Variants in PPFIBP2 observed in about 807,000 individuals in gnomAD.
PPFIBP2 encodes the protein liprin-beta-2.
In PPFIBP2, 118 loss-of-function variants were observed where a neutral mutation model predicts 118.3. The ratio of observed to expected loss-of-function variants is 1.00; its 90% CI spans 0.86 to 1.16. PPFIBP2 has a LOEUF of 1.16. Among genes scored for constraint, PPFIBP2 ranks in the 50% most tolerant of loss-of-function variants. PPFIBP2 has a pLI of 0.00. For synonymous variants in PPFIBP2, 414 were observed against 397.4 expected (o/e 1.04, Z -0.50); for missense variants, 1,195 against 1,073.1 (o/e 1.11, Z -1.59).
chr11:7,638,987 C>T (rs552090265), intron 14 of PPFIBP2, among the ~76,000 whole-genome samples: 7 of 152,302 alleles, frequency 4.6e-5, no homozygotes, highest in South Asian at 2.1e-4. Flanking sequence ...GTCAGCTCCC[C>T]CAAGGGTGTG....
At chr11:7,636,669 C>T (rs534745690) in intron 14 of PPFIBP2, among the ~76,000 whole-genome samples, 115 of 152,182 alleles carry the variant, frequency 7.6e-4, no homozygotes, top group Non-Finnish European at 1.1e-3. Context: ...ACCCAGCTCA[C>T]AGGCTCAAGG....
rs78429065 is a variant in PPFIBP2, at chr11:7,644,545, A to G, written c.1646+2119A>G. The stretch of plus-strand genomic sequence containing the variant: ...ACTCCAGCTTTAGGAGAGGTCCCCA[A>G]TCCTACTGCTCCCCTACCCTGGGCC... On this transcript the variant is annotated intron_variant, in intron 17 of 23. Coordinates refer to ENST00000299492, the MANE Select transcript of PPFIBP2 (RefSeq NM_003621.5). 4.9e-3 allele frequency among the ~76,000 whole-genome samples: 744 copies of G among 152,168 alleles called. 6 individuals carry two copies. The highest frequency in any genetic ancestry group is 0.017 in the African/African-American group (717 of 41,524).
At chr11:7,639,973 G>A in intron 15 of PPFIBP2, 103 bp downstream of exon 15, 1 of 1,462,458 alleles carries the variant, frequency 6.8e-7, no homozygotes, top group Admixed American at 2.4e-5. Flanking sequence ...CACAATTGGA[G>A]AATGGTGGGG....
intron 2 of PPFIBP2, among the ~76,000 whole-genome samples, chr11:7,555,627 G>A (rs1319138437): frequency 6.6e-6 from 1 of 152,216 alleles, no homozygotes; most frequent in East Asian, 1.9e-4. Flanking sequence ...AGAAGAGTTG[G>A]AGTGGGGGTC....
chr11:7,631,163 T>G (rs1850710971), intron 11 of PPFIBP2, 135 bp downstream of exon 11: 1 of 678,066 alleles, frequency 1.5e-6, no homozygotes, highest in African/African-American at 1.8e-5. Flanking sequence ...ATAGTGCCCC[T>G]CAGGCTGTGA....
At chr11:7,569,277 G>C (rs942667330) in intron 3 of PPFIBP2, among the ~76,000 whole-genome samples, 2 of 152,250 alleles carry the variant, frequency 1.3e-5, no homozygotes, top group African/African-American at 4.8e-5. Context: ...GGCAGAAGTA[G>C]GAGTGCTGTT....
At chr11:7,617,565 C>T (rs768695374) in intron 6 of PPFIBP2, among the ~76,000 whole-genome samples, 93 of 152,068 alleles carry the variant, frequency 6.1e-4, no homozygotes, top group Non-Finnish European at 2.4e-4. Flanking sequence ...CCAGGTGCTC[C>T]GAGTGATGGG....
intron 1 of PPFIBP2, among the ~76,000 whole-genome samples, chr11:7,525,735 GA>G (rs1456881653): frequency 1.3e-5 from 2 of 152,188 alleles, no homozygotes; most frequent in Non-Finnish European, 2.9e-5. Flanking sequence ...CATCTATGTG[GA>G]AAAGCCCAAT....
At chr11:7,641,713 C>T (rs1408851229) in intron 16 of PPFIBP2, 93 bp downstream of exon 16, 2 of 1,242,048 alleles carry the variant, frequency 1.6e-6, no homozygotes, top group African/African-American at 1.5e-5. Flanking sequence ...CCAATAGACA[C>T]TGAAACAGCA....
intron 2 of PPFIBP2, among the ~76,000 whole-genome samples, chr11:7,559,591 G>T (rs1403421023): frequency 1.3e-5 from 2 of 152,160 alleles, no homozygotes; most frequent in Non-Finnish European, 2.9e-5. Context: ...TCACTGGGGG[G>T]TGAGGGAGGG....
intron 3 of PPFIBP2, among the ~76,000 whole-genome samples, chr11:7,588,635 G>A (rs1047290147): frequency 1.3e-5 from 2 of 152,192 alleles, no homozygotes; most frequent in Admixed American, 6.5e-5. Flanking sequence ...CAAGGCCTAG[G>A]GAAGACCTTG....
At chr11:7,629,681 A>G in intron 10 of PPFIBP2, 147 bp downstream of exon 10, 1 of 763,232 alleles carries the variant, frequency 1.3e-6, no homozygotes, top group South Asian at 1.7e-5. Flanking sequence ...ACTTTTCTGC[A>G]TGATGAGAAC....
intron 6 of PPFIBP2, among the ~76,000 whole-genome samples, chr11:7,613,997 T>C (rs148957549): frequency 1.4e-4 from 22 of 152,334 alleles, no homozygotes; most frequent in Non-Finnish European, 2.9e-4. Flanking sequence ...TCCTTGTGGT[T>C]AGGACCCTGG....
downstream of PPFIBP2, among the ~76,000 whole-genome samples, chr11:7,659,165 A>C (rs1238376516): frequency 1.3e-5 from 2 of 149,588 alleles, no homozygotes; most frequent in Non-Finnish European, 3.0e-5. Flanking sequence ...CCCATTTGTC[A>C]ATTTTGTCTT....
At chr11:7,570,387 G>C (rs1855528403) in intron 3 of PPFIBP2, among the ~76,000 whole-genome samples, 1 of 152,126 alleles carries the variant, frequency 6.6e-6, no homozygotes, top group Non-Finnish European at 1.5e-5. Flanking sequence ...TTCTCTAACA[G>C]TATGTTATGT....
chr11:7,592,948 A>G (rs1770592679), intron 3 of PPFIBP2, among the ~76,000 whole-genome samples, 184 bp from the exon 4 acceptor site: 1 of 152,318 alleles, frequency 6.6e-6, no homozygotes, highest in Admixed American at 6.5e-5. Flanking sequence ...TTTCAGTGGC[A>G]TGTGATCTGG....
rs372411046 is a variant in PPFIBP2, at chr11:7,557,718, G to A, written c.65-7835G>A. Among the ~76,000 whole-genome samples, 15 of 152,016 alleles carry A rather than the reference G, an allele frequency of 9.9e-5. No individual in the cohort carries two copies. The East Asian group carries it at 1.7e-3, about 18-fold the overall frequency. ...TATCTTTGTTTCTATCATTTTGAGC[G>A]CTCTTTTTGAATAATCCTAGCATTC... On this transcript the variant is annotated intron_variant, in intron 2 of 23. Transcript: ENST00000299492.
chr11:7,586,377 G>A (rs1419174560), intron 3 of PPFIBP2, among the ~76,000 whole-genome samples: 1 of 152,156 alleles, frequency 6.6e-6, no homozygotes, highest in Admixed American at 6.5e-5. Context: ...ATTAAACAAA[G>A]CTAAATCATT....
chr11:7,518,086 T>A (rs1175507504), intron 1 of PPFIBP2, among the ~76,000 whole-genome samples: 2 of 152,368 alleles, frequency 1.3e-5, no homozygotes, highest in East Asian at 3.9e-4. Context: ...GCAGGGCCCC[T>A]GATGGCGGAG....
Sources: allele counts gnomAD v4.1 joint callset (sites outside exome capture counted in the v4.1 genomes callset), GRCh38; gene constraint gnomAD v4.1.1; transcripts MANE v1.5; gene names NCBI Gene and HGNC (gene_info 2026-07-23, HGNC 2026-07-21).